EXOC6B: variants seen among roughly 807,000 people sequenced by gnomAD.
EXOC6B encodes the protein exocyst complex component 6B.
In EXOC6B, 54 loss-of-function variants were observed where a neutral mutation model predicts 113.5. That is an observed-to-expected ratio of 0.48 (90% confidence interval 0.38 to 0.60). The LOEUF is 0.60. Ranked by LOEUF, EXOC6B falls within the 20% of genes least tolerant of loss-of-function variation. The probability of loss-of-function intolerance (pLI) is 0.00; values close to 1 mark genes in which losing one functional copy is unlikely to be tolerated. For synonymous variants in EXOC6B, 357 were observed against 339.0 expected (o/e 1.05, Z -0.58); for missense variants, 797 against 977.5 (o/e 0.82, Z 2.46).
chr2:72,438,491 C>T (rs1449793984), intron 18 of EXOC6B, among the ~76,000 whole-genome samples: 2 of 152,020 alleles, frequency 1.3e-5, no homozygotes, highest in Non-Finnish European at 2.9e-5. Context: ...TGCCTGTAGA[C>T]CTAGTTACTC....
At chr2:72,787,576 T>C (rs992908227) in intron 1 of EXOC6B, among the ~76,000 whole-genome samples, 1 of 152,168 alleles carries the variant, frequency 6.6e-6, no homozygotes, top group Non-Finnish European at 1.5e-5. Context: ...AAGTTTAAGA[T>C]TATAACTTAC....
intron 20 of EXOC6B, among the ~76,000 whole-genome samples, chr2:72,267,715 C>T (rs535548070): frequency 1.3e-5 from 2 of 152,236 alleles, no homozygotes; most frequent in African/African-American, 4.8e-5. Context: ...GTCTAAAATT[C>T]TCTTTTAAAG....
chr2:72,821,567 C>T (rs1261032390), intron 1 of EXOC6B, among the ~76,000 whole-genome samples: 1 of 151,998 alleles, frequency 6.6e-6, no homozygotes, highest in African/African-American at 2.4e-5. Context: ...GGAAACAACC[C>T]AAATGTCCAT....
At chr2:72,590,590 C>T (rs1705877470) in intron 6 of EXOC6B, among the ~76,000 whole-genome samples, 1 of 151,996 alleles carries the variant, frequency 6.6e-6, no homozygotes, top group Non-Finnish European at 1.5e-5. Flanking sequence ...ATTCACTTCA[C>T]TTTACGTACA....
chr2:72,189,034 T>C (rs1347260632), intron 20 of EXOC6B, among the ~76,000 whole-genome samples: 2 of 152,224 alleles, frequency 1.3e-5, no homozygotes, highest in African/African-American at 2.4e-5. Context: ...TATTTTCTTA[T>C]ATAATCACAG....
chr2:72,814,063 C>T (rs1351318265), intron 1 of EXOC6B, among the ~76,000 whole-genome samples: 1 of 152,190 alleles, frequency 6.6e-6, no homozygotes, highest in African/African-American at 2.4e-5. Context: ...TATGCCACTA[C>T]ACAATATCAT....
intron 21 of EXOC6B, among the ~76,000 whole-genome samples, chr2:72,183,796 G>A (rs1355808882): frequency 6.6e-6 from 1 of 151,688 alleles, no homozygotes; most frequent in Non-Finnish European, 1.5e-5. Context: ...AGTAAGAGAC[G>A]CTAGTAAGAG....
In EXOC6B at chr2:72,178,632, T is replaced by C. The variant is rs540713380; in HGVS notation, c.*703A>G. On this transcript the variant is annotated 3_prime_UTR_variant, in exon 22 of 22. Transcript: ENST00000272427. ...CTCAACACTCCTAGAGCTGGGGCAA[T>C]ATGCAGTTAAACATGGGATCCAATT... The C allele has an allele frequency of 4.6e-5, 7 of 152,322 alleles. No individual in the cohort carries two copies. The highest frequency in any genetic ancestry group is 1.7e-4 in the African/African-American group (7 of 41,580). 9.4% of individuals were successfully genotyped at this position (152,322 alleles called of 1,614,324 possible). A position where few individuals can be genotyped will look rare whatever the true frequency, so the allele number is the denominator to read the frequency against.
intron 18 of EXOC6B, among the ~76,000 whole-genome samples, chr2:72,389,897 T>G (rs1005505916): frequency 1.6e-4 from 25 of 152,148 alleles, no homozygotes; most frequent in Non-Finnish European, 7.4e-5. Flanking sequence ...ACTTTACCTA[T>G]TCTTCCTTCC....
intron 7 of EXOC6B, among the ~76,000 whole-genome samples, chr2:72,571,929 A>G (rs1024211375): frequency 2.6e-5 from 4 of 152,170 alleles, no homozygotes; most frequent in Non-Finnish European, 4.4e-5. Context: ...ATGTTATTCA[A>G]TGAAAAAAAT....
At chr2:72,305,099 A>T (rs1686754933) in intron 20 of EXOC6B, among the ~76,000 whole-genome samples, 1 of 152,146 alleles carries the variant, frequency 6.6e-6, no homozygotes. Context: ...AGCACTTTCC[A>T]TGGATTAACT....
At chr2:72,217,925 A>C (rs889307409) in intron 20 of EXOC6B, among the ~76,000 whole-genome samples, 6 of 152,216 alleles carry the variant, frequency 3.9e-5, no homozygotes, top group African/African-American at 1.4e-4. Context: ...TATGCTAAGC[A>C]TTTTTATATA....
intron 6 of EXOC6B, among the ~76,000 whole-genome samples, chr2:72,622,251 C>G (rs979086649): frequency 2.7e-5 from 4 of 150,016 alleles, no homozygotes; most frequent in Admixed American, 2.7e-4. Context: ...AAACTCTTCT[C>G]AGCCCCACCC....
intron 20 of EXOC6B, among the ~76,000 whole-genome samples, chr2:72,314,267 C>A (rs1388117244): frequency 3.9e-5 from 6 of 152,136 alleles, no homozygotes; most frequent in Admixed American, 3.9e-4. Flanking sequence ...ACTAAATTAT[C>A]CATGTCTCAT....
chr2:72,428,369 C>A (rs1390851440), intron 18 of EXOC6B, among the ~76,000 whole-genome samples: 1 of 152,184 alleles, frequency 6.6e-6, no homozygotes, highest in African/African-American at 2.4e-5. Context: ...ATGGCATCTA[C>A]AAGCTTCTGG....
At chr2:72,587,446 T>G (rs1705662600) in intron 6 of EXOC6B, among the ~76,000 whole-genome samples, 1 of 152,076 alleles carries the variant, frequency 6.6e-6, no homozygotes, top group Admixed American at 6.5e-5. Context: ...AGAAAAGGGT[T>G]GAAAAATTAA....
intron 20 of EXOC6B, among the ~76,000 whole-genome samples, chr2:72,199,034 C>T (rs1443251493): frequency 6.6e-6 from 1 of 152,014 alleles, no homozygotes; most frequent in African/African-American, 2.4e-5. Flanking sequence ...AATGAGATTC[C>T]AGGAAGCAAC....
At chr2:72,323,219 A>G (rs988533690) in intron 20 of EXOC6B, among the ~76,000 whole-genome samples, 1 of 152,238 alleles carries the variant, frequency 6.6e-6, no homozygotes, top group African/African-American at 2.4e-5. Context: ...TGCAGCCAAC[A>G]AACATATGAA....
chr2:72,457,620 T>A (rs1344213699), intron 18 of EXOC6B, among the ~76,000 whole-genome samples: 1 of 152,058 alleles, frequency 6.6e-6, no homozygotes, highest in Non-Finnish European at 1.5e-5. Flanking sequence ...ATAACAAGAA[T>A]AAATTCTCAA....
Sources: allele counts gnomAD v4.1 joint callset (sites outside exome capture counted in the v4.1 genomes callset), GRCh38; gene constraint gnomAD v4.1.1; transcripts MANE v1.5; gene names NCBI Gene and HGNC (gene_info 2026-07-23, HGNC 2026-07-21).